TSHZ2: variants seen among roughly 807,000 people sequenced by gnomAD.
TSHZ2 encodes the protein teashirt homolog 2.
A neutral mutation model predicts 74.4 loss-of-function variants in TSHZ2; 21 were observed. That is an observed-to-expected ratio of 0.28 (90% confidence interval 0.20 to 0.41). TSHZ2 has a LOEUF of 0.41. Ranked by LOEUF, TSHZ2 falls within the 10% of genes least tolerant of loss-of-function variation. TSHZ2 has a pLI of 1.00. For synonymous variants in TSHZ2, 540 were observed against 515.3 expected (o/e 1.05, Z -0.65); for missense variants, 1,244 against 1,293.5 (o/e 0.96, Z 0.59).
At chr20:53,071,440 T>A (rs1568745558) in intron 1 of TSHZ2, among the ~76,000 whole-genome samples, 1 of 152,224 alleles carries the variant, frequency 6.6e-6, no homozygotes, top group Non-Finnish European at 1.5e-5. Context: ...ATAAAGCAAC[T>A]ACAGCTGCCA....
At chr20:53,049,154 G>C (rs1467716384) in intron 1 of TSHZ2, among the ~76,000 whole-genome samples, 1 of 152,176 alleles carries the variant, frequency 6.6e-6, no homozygotes, top group Non-Finnish European at 1.5e-5. Context: ...AGCTGGCTTG[G>C]ATGAACATCG....
intron 1 of TSHZ2, among the ~76,000 whole-genome samples, chr20:53,206,897 G>T (rs188456448): frequency 6.6e-6 from 1 of 152,050 alleles, no homozygotes; most frequent in African/African-American, 2.4e-5. Flanking sequence ...CTCCTATTTT[G>T]CTCCCATCCA....
At chr20:53,080,877 G>A (rs527999358) in intron 1 of TSHZ2, among the ~76,000 whole-genome samples, 2 of 152,290 alleles carry the variant, frequency 1.3e-5, no homozygotes, top group East Asian at 3.9e-4. Flanking sequence ...ATGAGTTTGG[G>A]ATTGAATTTG....
At chr20:53,394,204 T>C (rs944325539) in intron 2 of TSHZ2, among the ~76,000 whole-genome samples, 2 of 152,154 alleles carry the variant, frequency 1.3e-5, no homozygotes, top group Non-Finnish European at 2.9e-5. Context: ...TTTAGATGTA[T>C]GTAAAAGGTG....
chr20:53,409,922 C>T (rs1982991852), intron 2 of TSHZ2, among the ~76,000 whole-genome samples: 1 of 131,592 alleles, frequency 7.6e-6, no homozygotes, highest in Non-Finnish European at 1.6e-5. Context: ...TCTCGGCTCA[C>T]TGCAAACTCT....
intron 1 of TSHZ2, among the ~76,000 whole-genome samples, chr20:53,099,920 A>T (rs1249348045): frequency 6.6e-6 from 1 of 152,170 alleles, no homozygotes. Flanking sequence ...TCCTCTACAC[A>T]CTAACCTGGT....
chr20:53,260,835 C>A (rs142920142), intron 2 of TSHZ2, among the ~76,000 whole-genome samples: 8 of 152,250 alleles, frequency 5.3e-5, no homozygotes, highest in Non-Finnish European at 8.8e-5. Context: ...TGCTCTGTAG[C>A]CTCACCTGCA....
At chr20:53,246,566 T>C (rs183971069) in intron 1 of TSHZ2, among the ~76,000 whole-genome samples, 1 of 152,262 alleles carries the variant, frequency 6.6e-6, no homozygotes, top group African/African-American at 2.4e-5. Flanking sequence ...ATCCAACTTC[T>C]CTCCATAACT....
chr20:53,339,720 C>G (rs901904746), intron 2 of TSHZ2, among the ~76,000 whole-genome samples: 1 of 152,206 alleles, frequency 6.6e-6, no homozygotes, highest in African/African-American at 2.4e-5. Context: ...ATGCTCCTCT[C>G]AGCCACTGTG....
intron 1 of TSHZ2, among the ~76,000 whole-genome samples, chr20:53,229,999 CAGAA>C (rs1169958644): frequency 2.7e-4 from 33 of 122,962 alleles, no homozygotes; most frequent in Admixed American, 5.8e-4. Context: ...GGAAGGAAGA[CAGAA>C]AGAGAGGAAG....
intron 1 of TSHZ2, among the ~76,000 whole-genome samples, chr20:53,067,800 A>G (rs1399737855): frequency 5.3e-5 from 8 of 152,306 alleles, no homozygotes; most frequent in East Asian, 1.9e-4. Context: ...GCTGGGACAA[A>G]GTGCCACAAA....
intron 1 of TSHZ2, among the ~76,000 whole-genome samples, chr20:53,006,116 C>T (rs986456054): frequency 6.6e-6 from 1 of 152,072 alleles, no homozygotes; most frequent in Non-Finnish European, 1.5e-5. Flanking sequence ...GAAGTTTGCT[C>T]CTATTGAAAG....
chr20:53,312,270 C>T (rs957056555), intron 2 of TSHZ2, among the ~76,000 whole-genome samples: 3 of 152,110 alleles, frequency 2.0e-5, no homozygotes, highest in African/African-American at 7.2e-5. Flanking sequence ...AACTCTTTTA[C>T]AAATATCAAG....
intron 1 of TSHZ2, among the ~76,000 whole-genome samples, chr20:53,244,922 T>C (rs1375281971): frequency 6.6e-6 from 1 of 152,234 alleles, no homozygotes; most frequent in Non-Finnish European, 1.5e-5. Context: ...TGCATTCTTA[T>C]GGATGACACA....
chr20:53,140,091 G>A (rs2094684988), intron 1 of TSHZ2, among the ~76,000 whole-genome samples: 1 of 152,032 alleles, frequency 6.6e-6, no homozygotes. Flanking sequence ...GCACAGTGTT[G>A]AACAAGACAG....
intron 1 of TSHZ2, among the ~76,000 whole-genome samples, chr20:53,190,440 C>A (rs980949705): frequency 1.3e-5 from 2 of 151,744 alleles, no homozygotes; most frequent in African/African-American, 4.8e-5. Flanking sequence ...TGATGCAGGG[C>A]GAGGGTGCCT....
chr20:53,451,499 T>C (rs1477938547), intron 2 of TSHZ2, among the ~76,000 whole-genome samples: 1 of 152,232 alleles, frequency 6.6e-6, no homozygotes, highest in Non-Finnish European at 1.5e-5. Flanking sequence ...GCCAAACTGC[T>C]TCCTGCCTCA....
intron 1 of TSHZ2, among the ~76,000 whole-genome samples, chr20:52,980,206 G>T (rs1981510760): frequency 6.6e-6 from 1 of 152,234 alleles, no homozygotes; most frequent in Non-Finnish European, 1.5e-5. Flanking sequence ...AGAGAACTTT[G>T]TTGCGGCAGG....
At chr20:53,187,958 C>T (rs1988640727) in intron 1 of TSHZ2, among the ~76,000 whole-genome samples, 2 of 152,240 alleles carry the variant, frequency 1.3e-5, no homozygotes, top group South Asian at 4.1e-4. Flanking sequence ...ATGGCTCACC[C>T]TCTCCATATA....
Sources: allele counts gnomAD v4.1 joint callset (sites outside exome capture counted in the v4.1 genomes callset), GRCh38; gene constraint gnomAD v4.1.1; transcripts MANE v1.5; gene names NCBI Gene and HGNC (gene_info 2026-07-23, HGNC 2026-07-21).